Variants in LIPK observed in about 807,000 individuals in gnomAD.
The protein encoded by LIPK is lipase family member K, also known as lipase member K.
In LIPK, 32 loss-of-function variants were observed where a neutral mutation model predicts 48.6. That is an observed-to-expected ratio of 0.66 (90% CI 0.50 to 0.88). The LOEUF (loss-of-function observed/expected upper bound fraction) is 0.88. Among genes scored for constraint, LIPK ranks in the 40% least tolerant of loss-of-function variants. The probability of loss-of-function intolerance (pLI) is 0.00; values close to 1 mark genes in which losing one functional copy is unlikely to be tolerated. For synonymous variants in LIPK, 164 were observed against 157.4 expected (o/e 1.04, Z -0.32); for missense variants, 507 against 478.5 (o/e 1.06, Z -0.56).
chr10:88,716,060 A>G (rs1167821715), intron 1 of LIPK, among the ~76,000 whole-genome samples: 1 of 152,124 alleles, frequency 6.6e-6, no homozygotes, highest in East Asian at 1.9e-4. Context: ...ATTTAATATG[A>G]TAAAATGATT....
intron 8 of LIPK, among the ~76,000 whole-genome samples, chr10:88,741,008 G>C (rs1842670994): frequency 6.6e-6 from 1 of 152,120 alleles, no homozygotes; most frequent in Non-Finnish European, 1.5e-5. Context: ...CTACTGACGA[G>C]GAGACAGATA....
chr10:88,715,743 TTC>T lies in LIPK; in HGVS notation c.-11-8786_-11-8785del, dbSNP rs752620951. Among the ~76,000 whole-genome samples, 40 of 151,974 alleles carry T rather than the reference TTC, an allele frequency of 2.6e-4. No homozygotes were observed. The East Asian group carries it at 3.3e-3, about 12-fold the overall frequency. ...TTCTTTCTTTTTTCTTTCTTTCTGT[TTC>T]TCTTTCTTTCTTTCTTTCCTTTCTT... On this transcript the variant is annotated intron_variant, in intron 1 of 9. Transcript: ENST00000404190.
intron 8 of LIPK, among the ~76,000 whole-genome samples, chr10:88,740,626 G>T (rs1020362303): frequency 4.6e-5 from 7 of 152,230 alleles, no homozygotes; most frequent in Admixed American, 1.3e-4. Flanking sequence ...TTGTGTGTGT[G>T]TGTGTCTTTG....
chr10:88,707,749 T>C (rs1010918728), intron 1 of LIPK, among the ~76,000 whole-genome samples: 1 of 152,158 alleles, frequency 6.6e-6, no homozygotes, highest in Non-Finnish European at 1.5e-5. Context: ...GATATCCTAT[T>C]AGGTAAAGAT....
chr10:88,709,996 TA>T (rs780598038), intron 1 of LIPK, among the ~76,000 whole-genome samples: 8 of 152,100 alleles, frequency 5.3e-5, no homozygotes, highest in Non-Finnish European at 1.2e-4. Flanking sequence ...AGTTATTGTA[TA>T]CTCTATAGAC....
intron 8 of LIPK, among the ~76,000 whole-genome samples, chr10:88,741,846 A>G (rs1423391562): frequency 6.6e-6 from 1 of 152,252 alleles, no homozygotes; most frequent in African/African-American, 2.4e-5. Context: ...TCAGTAGTCT[A>G]TTAAGCCTGG....
intron 1 of LIPK, among the ~76,000 whole-genome samples, chr10:88,719,498 G>A (rs1343540739): frequency 6.6e-6 from 1 of 152,230 alleles, no homozygotes; most frequent in African/African-American, 2.4e-5. Context: ...CTGAAGGACA[G>A]AGTTAGAATT....
intron 1 of LIPK, among the ~76,000 whole-genome samples, chr10:88,713,450 A>G: frequency 6.8e-6 from 1 of 146,918 alleles, no homozygotes. Flanking sequence ...AAGAGGGATA[A>G]ACTTTCAAAG....
intron 9 of LIPK, among the ~76,000 whole-genome samples, chr10:88,747,693 A>G (rs1034115520): frequency 2.0e-5 from 3 of 152,196 alleles, no homozygotes; most frequent in Non-Finnish European, 4.4e-5. Context: ...AATGAAAATC[A>G]AAACCACAAT....
At position 88,743,295 on chromosome 10, in the gene LIPK, G is replaced by C. The variant is rs761201876; in HGVS notation, c.934G>C (p.Asp312His). The C allele has an allele frequency of 1.3e-6, 2 of 1,593,858 alleles. No homozygotes were observed. The highest frequency in any genetic ancestry group is 1.7e-6 in the Non-Finnish European group (2 of 1,168,300). ...CCAAGCTTTTGATTGGGGAAACTCT[G>C]ATCAGAACATGATGCACTTCCATCA... is the stretch of plus-strand genomic sequence containing the variant. ...QLQAFDWGNSDQNMMHFHQLT... is the reference protein window; with the variant it reads ...QLQAFDWGNSHQNMMHFHQLT... Residue 312 changes from aspartate (D) to histidine (H), a missense_variant, in exon 9 of 10, where the codon GAT becomes CAT. Coordinates refer to ENST00000404190, the MANE Select transcript of LIPK (RefSeq NM_001080518.2).
chr10:88,752,381 G>T, intron 9 of LIPK, 136 bp from the exon 10 acceptor site: 1 of 609,358 alleles, frequency 1.6e-6, no homozygotes, highest in Non-Finnish European at 2.8e-6. Context: ...ACATTTTAAT[G>T]TTTATATACC....
chr10:88,710,926 A>G (rs533272521), intron 1 of LIPK, among the ~76,000 whole-genome samples: 2 of 152,270 alleles, frequency 1.3e-5, no homozygotes, highest in South Asian at 2.1e-4. Context: ...CCCATCATCA[A>G]TATATGGAAA....
intron 7 of LIPK, among the ~76,000 whole-genome samples, chr10:88,739,005 C>T (rs1590154922): frequency 6.6e-6 from 1 of 152,076 alleles, no homozygotes; most frequent in East Asian, 1.9e-4. Flanking sequence ...TTTTTAAAGC[C>T]CTAAGATGTT....
At chr10:88,745,929 A>G (rs529796310) in intron 9 of LIPK, among the ~76,000 whole-genome samples, 1 of 152,334 alleles carries the variant, frequency 6.6e-6, no homozygotes, top group East Asian at 1.9e-4. Context: ...AAAGGGAGGG[A>G]GAAATATCTA....
chr10:88,717,188 C>G (rs1372040786), intron 1 of LIPK, among the ~76,000 whole-genome samples: 2 of 152,184 alleles, frequency 1.3e-5, no homozygotes, highest in African/African-American at 4.8e-5. Context: ...AAACCATCTG[C>G]TAAATACCTG....
Position 88,732,513 on chromosome 10 carries a change from A to T in LIPK, c.631A>T (p.Met211Leu). Residue 211 changes from methionine to leucine, a missense_variant, in exon 6 of 10, where the codon ATG (methionine) becomes TTG (leucine). Coordinates refer to ENST00000404190, the MANE Select transcript of LIPK (RefSeq NM_001080518.2). ...VVTVKYTQSP[M>L]KKLTTLSRRV... ...CACAGTTAAATACACCCAAAGTCCTATGAAAAAACTAACAACCCTTTCCAG... is the reference window on the plus strand; with the variant it reads ...CACAGTTAAATACACCCAAAGTCCTTTGAAAAAACTAACAACCCTTTCCAG... 1 of 1,612,220 alleles carries T rather than the reference A, an allele frequency of 6.2e-7. No homozygotes were observed.
chr10:88,719,602 C>T (rs963279826), intron 1 of LIPK, among the ~76,000 whole-genome samples: 2 of 152,204 alleles, frequency 1.3e-5, no homozygotes, highest in Non-Finnish European at 2.9e-5. Flanking sequence ...AAACTGACCC[C>T]TTTGCATTTT....
At chr10:88,726,410 G>A (rs1842338824) in intron 2 of LIPK, among the ~76,000 whole-genome samples, 1 of 152,234 alleles carries the variant, frequency 6.6e-6, no homozygotes, top group African/African-American at 2.4e-5. Flanking sequence ...ATTGTGGCCA[G>A]GCAGGGAGGC....
chr10:88,722,015 T>C (rs1842234490), intron 1 of LIPK, among the ~76,000 whole-genome samples: 1 of 152,172 alleles, frequency 6.6e-6, no homozygotes, highest in Admixed American at 6.5e-5. Context: ...TTAAATAACA[T>C]GGCCAGGTGC....
Sources: allele counts gnomAD v4.1 joint callset (sites outside exome capture counted in the v4.1 genomes callset), GRCh38; gene constraint gnomAD v4.1.1; transcripts MANE v1.5; gene names NCBI Gene and HGNC (gene_info 2026-07-23, HGNC 2026-07-21).